The following MEP1B variants were observed in gnomAD, a reference collection of about 807,000 sequenced individuals.
MEP1B encodes the protein N-benzoyl-L-tyrosyl-P-amino-benzoic acid hydrolase subunit beta.
Under a neutral mutation model 84.6 loss-of-function variants are expected in MEP1B, and 80 were observed. The observed-to-expected ratio is 0.95, with a 90% CI of 0.79 to 1.14. MEP1B has a LOEUF of 1.14. MEP1B is among the 50% of genes most tolerant of loss of function. The pLI, the probability that MEP1B is intolerant of heterozygous loss-of-function variation, is 0.00. For missense variants in MEP1B, 766 were observed against 855.1 expected (o/e 0.90, Z 1.30); for synonymous variants, 273 against 288.1 (o/e 0.95, Z 0.53).
At chr18:32,192,745 C>A (rs2040814757) in intron 3 of MEP1B, 29 bp from the exon 4 acceptor site, 1 of 1,611,968 alleles carries the variant, frequency 6.2e-7, no homozygotes. Context: ...ATCCAATTTG[C>A]TAACATGAAT....
intron 1 of MEP1B, among the ~76,000 whole-genome samples, chr18:32,191,559 C>CA (rs541989076): frequency 1.1e-4 from 17 of 151,964 alleles, no homozygotes; most frequent in Non-Finnish European, 1.9e-4. Flanking sequence ...TTTTCCCCCC[C>CA]AATTTTTGAA....
At chr18:32,205,577 A>G (rs2040956596) in intron 7 of MEP1B, among the ~76,000 whole-genome samples, 1 of 152,206 alleles carries the variant, frequency 6.6e-6, no homozygotes, top group Non-Finnish European at 1.5e-5. Context: ...ATCCACAGCC[A>G]CACTCCTTAG....
Position 32,220,301 on chromosome 18 carries a change from G to A in MEP1B, c.*56G>A. ...AAATTAAAAAGGATTCTTCATCATGGATTTCGCCTAAGTGATATTACAGCC... is the reference window on the plus strand; with the variant it reads ...AAATTAAAAAGGATTCTTCATCATGAATTTCGCCTAAGTGATATTACAGCC... On this transcript the variant is annotated 3_prime_UTR_variant, in exon 15 of 15. Transcript: ENST00000269202. 3 of 1,549,100 alleles carry A rather than the reference G, an allele frequency of 1.9e-6. No homozygotes were observed. The highest frequency in any genetic ancestry group is 2.7e-6 in the Non-Finnish European group (3 of 1,130,856).
intron 7 of MEP1B, among the ~76,000 whole-genome samples, chr18:32,205,932 T>G (rs2040960119): frequency 6.6e-6 from 1 of 152,180 alleles, no homozygotes; most frequent in Non-Finnish European, 1.5e-5. Flanking sequence ...AGGTTTATTC[T>G]CTTAGCAATT....
intron 4 of MEP1B, among the ~76,000 whole-genome samples, chr18:32,195,099 T>C (rs1163418078): frequency 1.3e-5 from 2 of 152,228 alleles, no homozygotes; most frequent in African/African-American, 2.4e-5. Flanking sequence ...TGCAAATTTT[T>C]AATCTTTAAG....
intron 5 of MEP1B, chr18:32,195,921 G>A: frequency 1.2e-5 from 3 of 255,534 alleles, no homozygotes; most frequent in Non-Finnish European, 2.3e-5. Flanking sequence ...GGAAGAAGAG[G>A]GCCTTGCTTC....
chr18:32,213,384 C>T lies in MEP1B; in HGVS notation c.1404C>T (p.Ala468=). The T allele has an allele frequency of 6.2e-7, 1 of 1,613,792 alleles. No individual in the cohort carries two copies. Among genetic ancestry groups the T allele is most frequent in the Non-Finnish European group, 8.5e-7 (1 of 1,179,776 alleles). The change falls in exon 11 of 15, where the codon GCC becomes GCT. Residue 468 remains alanine (A), a synonymous_variant. Transcript: ENST00000269202. ...GYAFQIYLNL[A]HVTNAGIYFH... Reference sequence around the variant, plus strand: ...CCTTTCAGATTTACTTAAATCTAGCCCATGTGACTAATGCAGGGATATATT... The same window carrying T: ...CCTTTCAGATTTACTTAAATCTAGCTCATGTGACTAATGCAGGGATATATT...
chr18:32,194,846 T>C (rs1413103127), intron 4 of MEP1B, among the ~76,000 whole-genome samples: 1 of 152,110 alleles, frequency 6.6e-6, no homozygotes, highest in Non-Finnish European at 1.5e-5. Flanking sequence ...TTACATACTC[T>C]TTCTGTCCTC....
chr18:32,204,962 C>CT (rs1311312536), intron 7 of MEP1B, among the ~76,000 whole-genome samples: 1 of 152,164 alleles, frequency 6.6e-6, no homozygotes, highest in Admixed American at 6.5e-5. Context: ...CTAATTACCT[C>CT]TCATTAGGCC....
chr18:32,192,048 A>G (rs1262097069), intron 2 of MEP1B, among the ~76,000 whole-genome samples: 1 of 152,084 alleles, frequency 6.6e-6, no homozygotes, highest in African/African-American at 2.4e-5. Context: ...GGTATAGGAA[A>G]GGCCAAGCAC....
In MEP1B at chr18:32,196,404, C is replaced by T. The variant is rs2040855178; in HGVS notation, c.250+919C>T. 1.4e-6 allele frequency: 1 copy of T among 697,378 alleles called. No individual in the cohort carries two copies. Among genetic ancestry groups the T allele is most frequent in the Non-Finnish European group, 2.7e-6 (1 of 376,852 alleles). The allele number at this position is 697,378 out of a possible 1,614,324, so 43.2% of individuals were successfully genotyped here. On this transcript the variant is annotated intron_variant, in intron 5 of 14. Transcript: ENST00000269202. The surrounding 1 kb of genome is among the most constrained non-coding windows in gnomAD (Gnocchi z 4.4). Reference sequence around the variant, plus strand: ...ACTCAGAGCTCTCCTTGGTCTTCTCCTGGTCCTCGCCCAGCTGGGTCTTAC... The same window carrying T: ...ACTCAGAGCTCTCCTTGGTCTTCTCTTGGTCCTCGCCCAGCTGGGTCTTAC...
intron 5 of MEP1B, among the ~76,000 whole-genome samples, chr18:32,202,438 G>GCA (rs895375110): frequency 6.6e-6 from 1 of 152,016 alleles, no homozygotes; most frequent in Non-Finnish European, 1.5e-5. Flanking sequence ...TTGTAGATAT[G>GCA]CACACACACA....
At chr18:32,217,471 G>A (rs1340442437) in intron 13 of MEP1B, among the ~76,000 whole-genome samples, 1 of 152,108 alleles carries the variant, frequency 6.6e-6, no homozygotes, top group Non-Finnish European at 1.5e-5. Context: ...AGGGTGGCGG[G>A]CATGGGACAC....
At chr18:32,216,897 GA>G in intron 12 of MEP1B, 93 bp from the exon 13 acceptor site, 1 of 1,382,506 alleles carries the variant, frequency 7.2e-7, no homozygotes, top group Non-Finnish European at 9.8e-7. Flanking sequence ...AAGAAAAAAG[GA>G]AAAAAGAAAC....
intron 4 of MEP1B, among the ~76,000 whole-genome samples, chr18:32,193,296 T>C (rs953033724): frequency 6.6e-6 from 1 of 152,176 alleles, no homozygotes; most frequent in Non-Finnish European, 1.5e-5. Context: ...AGAGTGCTGA[T>C]TCTCATCTAA....
chr18:32,191,683 C>A, intron 1 of MEP1B, 139 bp from the exon 2 acceptor site: 1 of 515,040 alleles, frequency 1.9e-6, no homozygotes, highest in Non-Finnish European at 3.4e-6. Flanking sequence ...ATTTAGCCAT[C>A]CTAAATACAT....
intron 5 of MEP1B, among the ~76,000 whole-genome samples, chr18:32,199,894 G>T (rs1193259552): frequency 6.6e-6 from 1 of 151,990 alleles, no homozygotes; most frequent in African/African-American, 2.4e-5. Context: ...CACCCACCTC[G>T]GCCTCCCGAA....
At chr18:32,208,769 T>G (rs979466354) in intron 9 of MEP1B, among the ~76,000 whole-genome samples, 17 of 152,232 alleles carry the variant, frequency 1.1e-4, no homozygotes, top group Admixed American at 1.1e-3. Flanking sequence ...TTGCCTTAAG[T>G]AGTTATTTGG....
At chr18:32,212,660 A>T (rs1184227192) in intron 10 of MEP1B, among the ~76,000 whole-genome samples, 1 of 152,214 alleles carries the variant, frequency 6.6e-6, no homozygotes, top group Non-Finnish European at 1.5e-5. Flanking sequence ...TATTACCAAA[A>T]AGTTGATTGA....
Sources: gnomAD v4.1 joint callset for allele counts (sites outside exome capture counted in the v4.1 genomes callset) on GRCh38, gnomAD v4.1.1 for gene constraint, Gnocchi (gnomAD v3.1) non-coding constraint, MANE v1.5 for transcripts, NCBI Gene and HGNC (gene_info 2026-07-23, HGNC 2026-07-21) for gene names.